Variants in RTN1 observed in about 807,000 individuals in gnomAD.
The protein encoded by RTN1 is reticulon-1.
In RTN1, 25 loss-of-function variants were observed where a neutral mutation model predicts 65.5. That is an observed-to-expected ratio of 0.38 (90% CI 0.28 to 0.53). RTN1 has a LOEUF of 0.53. RTN1 is among the 20% of genes least tolerant of loss of function. The pLI is 0.79. For missense variants in RTN1, 983 were observed against 1,025.4 expected, an observed-to-expected ratio of 0.96 and a Z score of 0.57; for synonymous variants, 471 against 447.6, an observed-to-expected ratio of 1.05 and a Z score of -0.66.
intron 3 of RTN1, among the ~76,000 whole-genome samples, chr14:59,613,292 T>C (rs1324295782): frequency 1.3e-5 from 2 of 152,118 alleles, no homozygotes; most frequent in African/African-American, 4.8e-5. Context: ...AAACAAGCTA[T>C]AGATTTATTT....
intron 3 of RTN1, among the ~76,000 whole-genome samples, chr14:59,656,730 C>A (rs1260928932): frequency 1.3e-5 from 2 of 152,216 alleles, no homozygotes; most frequent in Non-Finnish European, 2.9e-5. Flanking sequence ...GTCCTCCTGT[C>A]CTATACATCT....
In RTN1 at chr14:59,670,159, G is replaced by A. The variant is rs575430791; in HGVS notation, c.1765+56760C>T. On this transcript the variant is annotated intron_variant, in intron 3 of 8. Coordinates refer to ENST00000267484, the MANE Select transcript of RTN1 (RefSeq NM_021136.3). Reference sequence around the variant, plus strand: ...TAAGAATTTTGCAATAGTGCCTAGTGCAATAGTGTAGTGAGATAGTGTAAA... The same window carrying A: ...TAAGAATTTTGCAATAGTGCCTAGTACAATAGTGTAGTGAGATAGTGTAAA... Among the ~76,000 whole-genome samples, 258 of 152,296 alleles carry A rather than the reference G, an allele frequency of 1.7e-3. 2 individuals carry two copies. The highest frequency in any genetic ancestry group is 2.6e-3 in the Non-Finnish European group (177 of 68,036).
rs893281529 is a variant in RTN1, at chr14:59,816,865, G to A, written c.241+53525C>T. Among the ~76,000 whole-genome samples, 21 of 152,242 alleles carry A rather than the reference G, an allele frequency of 1.4e-4. No homozygotes were observed. Among genetic ancestry groups the A allele is most frequent in the Admixed American group, 1.1e-3 (17 of 15,294 alleles). ...GGAGGATCACCTGAGCCTGAGAGGC[G>A]GAGGTTGCAGTGAGTCGAGATCGCG... On this transcript the variant is annotated intron_variant, in intron 1 of 8. Transcript: ENST00000267484. The surrounding 1 kb of genome is among the most constrained non-coding windows in gnomAD (Gnocchi z 4.3).
Position 59,842,340 on chromosome 14 carries a change from T to C in RTN1, c.241+28050A>G, listed in dbSNP as rs567694751. Among the ~76,000 whole-genome samples the C allele has an allele frequency of 2.0e-4, 30 of 152,278 alleles. No individual in the cohort carries two copies. In the East Asian group the frequency reaches 5.6e-3, roughly 28 times the overall value. Reference sequence around the variant, plus strand: ...TAAATAGAAAAATGCACAATCATAATTGGATATTTAAAAATCCCTCTCTCA... The same window carrying C: ...TAAATAGAAAAATGCACAATCATAACTGGATATTTAAAAATCCCTCTCTCA... On this transcript the variant is annotated intron_variant, in intron 1 of 8. Transcript: ENST00000267484.
intron 1 of RTN1, among the ~76,000 whole-genome samples, chr14:59,839,292 A>T (rs1029607707): frequency 1.3e-4 from 20 of 152,174 alleles, no homozygotes; most frequent in African/African-American, 4.6e-4. Context: ...ATACTTTTTG[A>T]TTACAGGAAC....
At chr14:59,732,637 G>A (rs111552593) in intron 2 of RTN1, among the ~76,000 whole-genome samples, 4,404 of 152,268 alleles carry the variant, frequency 0.029, 102 homozygotes, top group Non-Finnish European at 0.04. Flanking sequence ...CAGGGCCTTG[G>A]ATCTGACACA....
chr14:59,830,316 A>G (rs1235837403), intron 1 of RTN1, among the ~76,000 whole-genome samples: 1 of 152,216 alleles, frequency 6.6e-6, no homozygotes, highest in Non-Finnish European at 1.5e-5. Context: ...TGCTTTCTGT[A>G]AGATTATCGA....
At chr14:59,775,002 C>CTA (rs1245712333) in intron 1 of RTN1, among the ~76,000 whole-genome samples, 13 of 152,174 alleles carry the variant, frequency 8.5e-5, no homozygotes, top group Non-Finnish European at 7.4e-5. Context: ...TCCTAGCCAC[C>CTA]TATTCATGCC....
chr14:59,739,789 G>T (rs116306503), intron 2 of RTN1, among the ~76,000 whole-genome samples: 2,574 of 152,254 alleles, frequency 0.017, 74 homozygotes, highest in African/African-American at 0.06. Flanking sequence ...ATGAACAGGG[G>T]AACAATGAGC....
chr14:59,620,300 G>T (rs1355582290), intron 3 of RTN1, among the ~76,000 whole-genome samples: 2 of 152,154 alleles, frequency 1.3e-5, no homozygotes. Context: ...GAGTCAAGAG[G>T]TTCCTGAGAC....
In RTN1 at chr14:59,766,444, C is replaced by T. The variant is rs112330879; in HGVS notation, c.242-19963G>A. ...TTGCCCCAAACTCATATATATTGTT[C>T]AACGTATTATTTTCTACTTACCTGT... is the stretch of plus-strand genomic sequence containing the variant. On this transcript the variant is annotated intron_variant, in intron 1 of 8. Coordinates refer to ENST00000267484, the MANE Select transcript of RTN1 (RefSeq NM_021136.3). This position sits in a 1 kb window ranked among gnomAD's most constrained non-coding sequence, Gnocchi z 4.4. Among the ~76,000 whole-genome samples the T allele has an allele frequency of 0.016, 2,397 of 152,108 alleles. 62 individuals carry two copies. The highest frequency in any genetic ancestry group is 0.056 in the African/African-American group (2,304 of 41,482).
At chr14:59,781,458 C>T (rs1210300221) in intron 1 of RTN1, among the ~76,000 whole-genome samples, 1 of 151,890 alleles carries the variant, frequency 6.6e-6, no homozygotes, top group Non-Finnish European at 1.5e-5. Context: ...GTAAGTGGAA[C>T]ATAAACTTAA....
chr14:59,684,392 A>G (rs1883803878), intron 3 of RTN1, among the ~76,000 whole-genome samples: 1 of 152,092 alleles, frequency 6.6e-6, no homozygotes, highest in African/African-American at 2.4e-5. Context: ...GGACTTCTCT[A>G]CTTTATCCAC....
At chr14:59,834,908 T>C in intron 1 of RTN1, among the ~76,000 whole-genome samples, 1 of 152,212 alleles carries the variant, frequency 6.6e-6, no homozygotes, top group Non-Finnish European at 1.5e-5. Context: ...GGTGGGAATG[T>C]GAAATAGTAC....
At chr14:59,797,688 C>A (rs1886465068) in intron 1 of RTN1, among the ~76,000 whole-genome samples, 1 of 152,090 alleles carries the variant, frequency 6.6e-6, no homozygotes, top group East Asian at 1.9e-4. Flanking sequence ...AGAATTATTT[C>A]TTTGGTTTAA....
chr14:59,835,996 C>T (rs1302452865), intron 1 of RTN1, among the ~76,000 whole-genome samples: 1 of 152,120 alleles, frequency 6.6e-6, no homozygotes, highest in Admixed American at 6.5e-5. Flanking sequence ...GCTTCCTTGC[C>T]TTTTTCCAGG....
At chr14:59,635,255 CT>C (rs1362696735) in intron 3 of RTN1, among the ~76,000 whole-genome samples, 1 of 152,156 alleles carries the variant, frequency 6.6e-6, no homozygotes, top group African/African-American at 2.4e-5. Flanking sequence ...AAAATAACAT[CT>C]TCAAAGTAGC....
At chr14:59,620,654 G>A (rs1260256751) in intron 3 of RTN1, among the ~76,000 whole-genome samples, 8 of 152,138 alleles carry the variant, frequency 5.3e-5, no homozygotes, top group African/African-American at 1.9e-4. Flanking sequence ...CTATTAAACA[G>A]TGCTGGTCTA....
rs1441506565 is a variant in RTN1 at position 59,794,414 on chromosome 14, C to G, written c.242-47933G>C. On this transcript the variant is annotated intron_variant, in intron 1 of 8. Coordinates refer to ENST00000267484, the MANE Select transcript of RTN1 (RefSeq NM_021136.3). This position sits in a 1 kb window ranked among gnomAD's most constrained non-coding sequence, Gnocchi z 5.1. ...CCACTGGATCAAATCACCTCCAAAG[C>G]CTGTCTACGTCTAGAATTTTCAGTT... 6.6e-6 allele frequency among the ~76,000 whole-genome samples: 1 copy of G among 152,170 alleles called. No homozygotes were observed. Among genetic ancestry groups the G allele is most frequent in the Non-Finnish European group, 1.5e-5 (1 of 68,030 alleles).
Sources: gnomAD v4.1 joint callset for allele counts (sites outside exome capture counted in the v4.1 genomes callset) on GRCh38, gnomAD v4.1.1 for gene constraint, Gnocchi (gnomAD v3.1) non-coding constraint, MANE v1.5 for transcripts, NCBI Gene and HGNC (gene_info 2026-07-23, HGNC 2026-07-21) for gene names.